KDM6A: variants seen among roughly 807,000 people sequenced by gnomAD.
KDM6A encodes the protein lysine-specific demethylase 6A.
Under a neutral mutation model 117.6 loss-of-function variants are expected in KDM6A, and 11 were observed. The ratio of observed to expected loss-of-function variants is 0.09; its 90% confidence interval spans 0.06 to 0.15. The LOEUF is 0.15. Ranked by LOEUF, KDM6A falls within the 10% of genes least tolerant of loss-of-function variation. KDM6A has a pLI of 1.00. For missense variants in KDM6A, 799 were observed against 1,077.3 expected, an observed-to-expected ratio of 0.74 and a Z score of 3.62; for synonymous variants, 384 against 396.1, an observed-to-expected ratio of 0.97 and a Z score of 0.36.
intron 2 of KDM6A, among the ~76,000 whole-genome samples, chrX:44,895,074 T>TTTTA (rs200356311): frequency 0.11 from 9,668 of 91,622 alleles, 592 homozygotes; most frequent in East Asian, 0.17. Context: ...GCAACTTTTA[T>TTTTA]TTTATTTATT....
chrX:44,944,468 T>A (rs2037516017), intron 2 of KDM6A, among the ~76,000 whole-genome samples: 1 of 112,133 alleles, frequency 8.9e-6, no homozygotes, highest in Non-Finnish European at 1.9e-5. Flanking sequence ...CCTGCTGGAA[T>A]TTTGATTGAA....
chrX:44,967,374 A>G (rs1022179862), intron 3 of KDM6A, among the ~76,000 whole-genome samples: 10 of 111,644 alleles, frequency 9.0e-5, no homozygotes, highest in Non-Finnish European at 1.5e-4. Context: ...AACCCTGGGC[A>G]AATAGACATT....
intron 4 of KDM6A, among the ~76,000 whole-genome samples, chrX:44,982,418 A>T (rs970376539): frequency 9.8e-5 from 11 of 111,748 alleles, no homozygotes; most frequent in African/African-American, 3.6e-4. Flanking sequence ...TTGATTATTA[A>T]ATTTAACATA....
chrX:44,992,826 A>G (rs1424317477), intron 4 of KDM6A, among the ~76,000 whole-genome samples: 1 of 110,564 alleles, frequency 9.0e-6, no homozygotes, highest in Non-Finnish European at 1.9e-5. Flanking sequence ...GATTACAGTC[A>G]TGAGCCACCA....
intron 24 of KDM6A, among the ~76,000 whole-genome samples, chrX:45,084,401 G>A (rs763658216): frequency 2.7e-5 from 3 of 111,739 alleles, no homozygotes; most frequent in Non-Finnish European, 5.6e-5. Flanking sequence ...TTGATGACCA[G>A]TTCAGCTGTA....
chrX:45,076,481 CTT>C (rs2045119677), intron 18 of KDM6A, among the ~76,000 whole-genome samples: 1 of 110,740 alleles, frequency 9.0e-6, no homozygotes, highest in Non-Finnish European at 1.9e-5. Flanking sequence ...GTTGTGATAT[CTT>C]TTATTTTCCT....
chrX:45,080,888 T>C (rs1275694486), intron 21 of KDM6A, among the ~76,000 whole-genome samples: 3 of 111,945 alleles, frequency 2.7e-5, no homozygotes, highest in Non-Finnish European at 1.9e-5. Context: ...TAAGAGGCAG[T>C]CTATTTAAAT....
intron 2 of KDM6A, among the ~76,000 whole-genome samples, chrX:44,921,287 A>G (rs1020041960): frequency 1.8e-5 from 2 of 112,084 alleles, no homozygotes; most frequent in Non-Finnish European, 3.8e-5. Context: ...AACTTTCCCC[A>G]ATGTTAGCAT....
chrX:45,032,458 G>C (rs1163296211), intron 6 of KDM6A, among the ~76,000 whole-genome samples: 1 of 111,927 alleles, frequency 8.9e-6, no homozygotes, highest in Non-Finnish European at 1.9e-5. Flanking sequence ...TATGTGGAAC[G>C]GTGTTGTTAG....
In KDM6A at chrX:44,922,027, C is replaced by CTTTTTTTTTTTTTTTTTTTTTTTTTTTTT. The variant is rs1412985730; in HGVS notation, c.226-39257_226-39256insTTTTTTTTTTTTTTTTTTTTTTTTTTTTT. On this transcript the variant is annotated intron_variant, in intron 2 of 29. Coordinates refer to ENST00000611820, the MANE Select transcript of KDM6A (RefSeq NM_001291415.2). ...ATGCTGATAAAATTCATTGTGTGTG[C>CTTTTTTTTTTTTTTTTTTTTTTTTTTTTT]CTTTTTTTTTTTTTTTTTTTTTTTT... Among the ~76,000 whole-genome samples, 53 of 37,714 alleles carry CTTTTTTTTTTTTTTTTTTTTTTTTTTTTT rather than the reference C, an allele frequency of 1.4e-3. 26 individuals are homozygous for CTTTTTTTTTTTTTTTTTTTTTTTTTTTTT. The highest frequency in any genetic ancestry group is 1.9e-3 in the Non-Finnish European group (47 of 24,397). 32.8% of individuals were successfully genotyped at this position (37,714 alleles called of 115,157 possible).
chrX:44,974,443 A>G (rs1261157259), intron 3 of KDM6A, among the ~76,000 whole-genome samples: 1 of 110,934 alleles, frequency 9.0e-6, no homozygotes, highest in Non-Finnish European at 1.9e-5. Context: ...GGTCGAGTTG[A>G]TCTAAGGGGT....
At chrX:44,971,422 T>G (rs1324064856) in intron 3 of KDM6A, among the ~76,000 whole-genome samples, 1 of 112,445 alleles carries the variant, frequency 8.9e-6, no homozygotes, top group African/African-American at 3.2e-5. Context: ...TTCTGTAATT[T>G]GAACATATTC....
intron 4 of KDM6A, among the ~76,000 whole-genome samples, chrX:44,987,374 G>C (rs1451028719): frequency 9.0e-6 from 1 of 111,559 alleles, no homozygotes; most frequent in African/African-American, 3.3e-5. Flanking sequence ...TTGCCAGTCT[G>C]TGTCTTTTAA....
chrX:44,876,739 G>A (rs1295698823), intron 2 of KDM6A, among the ~76,000 whole-genome samples: 1 of 106,191 alleles, frequency 9.4e-6, no homozygotes, highest in Non-Finnish European at 1.9e-5. Context: ...TATATTATTG[G>A]ATTTTCTTTC....
At chrX:44,932,937 G>T (rs2036728560) in intron 2 of KDM6A, among the ~76,000 whole-genome samples, 1 of 107,558 alleles carries the variant, frequency 9.3e-6, no homozygotes, top group Non-Finnish European at 1.9e-5. Context: ...GCCCAGGCTG[G>T]AGTGTAATGG....
At chrX:45,025,430 T>A (rs1358639042) in intron 6 of KDM6A, among the ~76,000 whole-genome samples, 1 of 112,497 alleles carries the variant, frequency 8.9e-6, no homozygotes, top group Non-Finnish European at 1.9e-5. Flanking sequence ...CCCAAAGTGC[T>A]GGAATTACAG....
At chrX:45,094,457 A>T (rs2046018505) in intron 27 of KDM6A, among the ~76,000 whole-genome samples, 1 of 111,761 alleles carries the variant, frequency 8.9e-6, no homozygotes, top group African/African-American at 3.3e-5. Flanking sequence ...CATGAGAAAG[A>T]TGCCCCAGTT....
In KDM6A at chrX:45,079,540, T is replaced by TGTAC. The variant is rs1556342164; in HGVS notation, c.3300+197_3300+200dup. Among the ~76,000 whole-genome samples, 216 of 105,694 alleles carry TGTAC rather than the reference T, an allele frequency of 2.0e-3. 1 individual carries two copies. Among genetic ancestry groups the TGTAC allele is most frequent in the East Asian group, 0.01 (35 of 3,462 alleles). 91.8% of individuals were successfully genotyped at this position (105,694 alleles called of 115,157 possible). ...ATGTATGTATGTATGTATGTATGTA[T>TGTAC]GTACGTACGTATGTGTATTTTGAGA... On this transcript the variant is annotated intron_variant, in intron 21 of 29. Transcript: ENST00000611820.
At chrX:44,943,383 A>G (rs2037447370) in intron 2 of KDM6A, among the ~76,000 whole-genome samples, 1 of 112,047 alleles carries the variant, frequency 8.9e-6, no homozygotes, top group Non-Finnish European at 1.9e-5. Context: ...TTTTAGCAAT[A>G]AAATATTGCT....
Sources: gnomAD v4.1 joint callset for allele counts (sites outside exome capture counted in the v4.1 genomes callset) on GRCh38, gnomAD v4.1.1 for gene constraint, MANE v1.5 for transcripts, NCBI Gene and HGNC (gene_info 2026-07-23, HGNC 2026-07-21) for gene names.